PRH1: variants seen among roughly 807,000 people sequenced by gnomAD.
PRH1 encodes the protein salivary acidic proline-rich phosphoprotein 1/2.
PRH1 carries 7 observed loss-of-function variants against 7.9 expected under a neutral mutation model. The observed-to-expected ratio is 0.89, with a 90% CI of 0.50 to 1.67. The LOEUF (loss-of-function observed/expected upper bound fraction) is 1.67. Ranked by LOEUF, PRH1 falls within the 40% of genes most tolerant of loss-of-function variation. The probability of loss-of-function intolerance (pLI) is 0.00; values close to 1 mark genes in which losing one functional copy is unlikely to be tolerated. For missense variants in PRH1, 109 were observed against 223.6 expected, an observed-to-expected ratio of 0.49 and a Z score of 3.27; for synonymous variants, 45 against 80.8, an observed-to-expected ratio of 0.56 and a Z score of 2.38.
At chr12:11,047,034 T>C (rs749898043) in exon 1 of PRH1, 1 of 509,906 alleles carries the variant, frequency 2.0e-6, no homozygotes, top group Non-Finnish European at 4.1e-6. Context: ...TATGGATAGA[T>C]GGAGTCTATT....
intron 1 of PRH1, among the ~76,000 whole-genome samples, chr12:11,152,159 G>A (rs145091692): frequency 6.7e-6 from 1 of 150,070 alleles, no homozygotes; most frequent in African/African-American, 2.5e-5. Context: ...GTATACATGT[G>A]CCATGTTGGT....
intron 2 of PRH1, among the ~76,000 whole-genome samples, chr12:10,897,976 C>T (rs892830395): frequency 6.6e-6 from 1 of 152,154 alleles, no homozygotes; most frequent in Admixed American, 6.5e-5. Flanking sequence ...AATAGAGCAT[C>T]AGAATAGAAT....
At chr12:10,945,177 C>T (rs1455401851) in intron 2 of PRH1, among the ~76,000 whole-genome samples, 3 of 152,130 alleles carry the variant, frequency 2.0e-5, no homozygotes, top group African/African-American at 7.2e-5. Flanking sequence ...GTGAATCCAG[C>T]AGGTCTTGGG....
chr12:11,033,212 CA>C (rs1255969616), intron 1 of PRH1, among the ~76,000 whole-genome samples: 7 of 151,978 alleles, frequency 4.6e-5, no homozygotes, highest in African/African-American at 1.7e-4. Flanking sequence ...ACTAAAAATA[CA>C]AAAATTAGCA....
intron 1 of PRH1, among the ~76,000 whole-genome samples, chr12:11,028,199 G>C (rs1346896767): frequency 6.6e-6 from 1 of 152,228 alleles, no homozygotes; most frequent in Non-Finnish European, 1.5e-5. Context: ...ATGTAAGACA[G>C]AACAGCAGAG....
chr12:10,891,853 T>C (rs1949578247), intron 2 of PRH1: 1 of 152,234 alleles, frequency 6.6e-6, no homozygotes, highest in Non-Finnish European at 1.5e-5. Context: ...TTAAAAACTT[T>C]GATCACTGTG....
intron 1 of PRH1, among the ~76,000 whole-genome samples, chr12:11,042,921 G>A (rs1942767939): frequency 6.6e-6 from 1 of 151,940 alleles, no homozygotes; most frequent in Non-Finnish European, 1.5e-5. Flanking sequence ...GAGCCACCAG[G>A]CCCGGCCCAG....
At chr12:11,100,973 CATTTA>C (rs891933769) in intron 1 of PRH1, among the ~76,000 whole-genome samples, 36 of 152,124 alleles carry the variant, frequency 2.4e-4, no homozygotes, top group African/African-American at 6.3e-4. Context: ...ATTTTTAATA[CATTTA>C]ATTTAATATA....
At chr12:10,886,777 A>G (rs1203121905), upstream of PRH1, among the ~76,000 whole-genome samples, 1 of 152,196 alleles carries the variant, frequency 6.6e-6, no homozygotes, top group African/African-American at 2.4e-5. Context: ...TAGTGGTTCA[A>G]AAATCCTCGC....
chr12:10,990,100 A>G (rs1939857293), intron 1 of PRH1, among the ~76,000 whole-genome samples: 1 of 152,244 alleles, frequency 6.6e-6, no homozygotes, highest in Non-Finnish European at 1.5e-5. Context: ...TAACCAAAAC[A>G]GCATGGTACT....
At chr12:11,063,534 C>A (rs867638400) in intron 1 of PRH1, among the ~76,000 whole-genome samples, 2 of 151,946 alleles carry the variant, frequency 1.3e-5, no homozygotes, top group Non-Finnish European at 2.9e-5. Context: ...ACAGAGCCAT[C>A]CACCAAACCC....
intron 1 of PRH1, among the ~76,000 whole-genome samples, chr12:11,103,252 C>A (rs1387536847): frequency 6.6e-6 from 1 of 151,922 alleles, no homozygotes; most frequent in Non-Finnish European, 1.5e-5. Flanking sequence ...ATGTTTATTG[C>A]AGCACTATTC....
chr12:11,029,463 C>A (rs917662787), intron 1 of PRH1, among the ~76,000 whole-genome samples: 45 of 152,156 alleles, frequency 3.0e-4, no homozygotes, highest in Admixed American at 5.9e-4. Flanking sequence ...GATTTGAGTT[C>A]TCTTATCTGA....
intron 1 of PRH1, among the ~76,000 whole-genome samples, chr12:11,122,042 A>G (rs555233853): frequency 6.6e-6 from 1 of 152,380 alleles, no homozygotes; most frequent in South Asian, 2.1e-4. Context: ...ACTCGGCTTC[A>G]TAATTTATGG....
chr12:11,141,311 T>G (rs61931266), intron 1 of PRH1, among the ~76,000 whole-genome samples: 33,934 of 152,084 alleles, frequency 0.22, 3,818 homozygotes, highest in Non-Finnish European at 0.24. Context: ...GTAACTATTG[T>G]GGGTCACTTG....
intron 1 of PRH1, among the ~76,000 whole-genome samples, chr12:11,066,877 CTTCT>C (rs1943843505): frequency 6.6e-6 from 1 of 151,076 alleles, no homozygotes; most frequent in Non-Finnish European, 1.5e-5. Context: ...AATTTCTTTG[CTTCT>C]TTTTCTTTTA....
In PRH1 at chr12:10,972,522, T is replaced by G. The variant is rs149016291; in HGVS notation, c.-59+1133A>C. Among the ~76,000 whole-genome samples, 210 of 152,314 alleles carry G rather than the reference T, an allele frequency of 1.4e-3. 3 individuals carry two copies. The highest frequency in any genetic ancestry group is 1.1e-3 in the Admixed American group (17 of 15,298). On this transcript the variant is annotated intron_variant, in intron 2 of 3. Coordinates refer to the PRH1 transcript ENST00000539853. ...TTCTTTTGAAAAAATTTGAATAAAA[T>G]TTTTCATAATGACGTTGAAGTAAAA...
intron 2 of PRH1, among the ~76,000 whole-genome samples, chr12:10,939,773 T>C (rs1950365893): frequency 6.6e-6 from 1 of 152,232 alleles, no homozygotes; most frequent in Admixed American, 6.5e-5. Context: ...TGAGATCTAT[T>C]GAACAGCATT....
At chr12:11,090,719 T>A (rs1290135697) in intron 1 of PRH1, among the ~76,000 whole-genome samples, 1 of 118,112 alleles carries the variant, frequency 8.5e-6, no homozygotes, top group Non-Finnish European at 2.0e-5. Flanking sequence ...TTCTCATTGC[T>A]TTTTACTAAA....
Sources: allele counts gnomAD v4.1 joint callset (sites outside exome capture counted in the v4.1 genomes callset), GRCh38; gene constraint gnomAD v4.1.1; transcripts MANE v1.5; gene names NCBI Gene and HGNC (gene_info 2026-07-23, HGNC 2026-07-21).